The following SNX8 variants were observed in gnomAD, a reference collection of about 807,000 sequenced individuals.
SNX8 encodes the protein sorting nexin-8.
Under a neutral mutation model 51.6 loss-of-function variants are expected in SNX8, and 25 were observed. That is an observed-to-expected ratio of 0.48 (90% confidence interval 0.35 to 0.68). The LOEUF is 0.68. SNX8 is among the 30% of genes least tolerant of loss of function. The probability of loss-of-function intolerance (pLI) is 0.00; values close to 1 mark genes in which losing one functional copy is unlikely to be tolerated. For synonymous variants in SNX8, 324 were observed against 277.0 expected, an observed-to-expected ratio of 1.17 and a Z score of -1.68; for missense variants, 695 against 624.0, an observed-to-expected ratio of 1.11 and a Z score of -1.21.
upstream of SNX8, among the ~76,000 whole-genome samples, chr7:2,316,388 T>A (rs1796757802): frequency 6.7e-6 from 1 of 149,844 alleles, no homozygotes; most frequent in East Asian, 2.0e-4. Context: ...CACTGCATCC[T>A]GCATTCATTC....
chr7:2,325,008 T>C (rs879495418), intron 1 of SNX8, among the ~76,000 whole-genome samples: 1 of 152,150 alleles, frequency 6.6e-6, no homozygotes, highest in Non-Finnish European at 1.5e-5. Flanking sequence ...ACAGGCTATT[T>C]ATTTTTTGTA....
intron 1 of SNX8, among the ~76,000 whole-genome samples, chr7:2,337,828 T>A (rs531258170): frequency 3.3e-5 from 4 of 121,316 alleles, no homozygotes; most frequent in Non-Finnish European, 3.5e-5. Context: ...AGGAACTTCC[T>A]CAAGCAAATA....
At chr7:2,351,762 T>C (rs940401513) in intron 1 of SNX8, among the ~76,000 whole-genome samples, 74 of 147,462 alleles carry the variant, frequency 5.0e-4, no homozygotes, top group African/African-American at 1.2e-3. Flanking sequence ...ACCCGGGAGG[T>C]GGAGCTTGCA....
intron 1 of SNX8, among the ~76,000 whole-genome samples, chr7:2,288,796 C>T (rs936302034): frequency 6.6e-6 from 1 of 152,162 alleles, no homozygotes; most frequent in African/African-American, 2.4e-5. Flanking sequence ...TGCAGTGATG[C>T]AGTCACAGCT....
At chr7:2,332,823 AAAGGAAGG>A (rs551341838) in intron 1 of SNX8, among the ~76,000 whole-genome samples, 1 of 150,602 alleles carries the variant, frequency 6.6e-6, no homozygotes, top group Non-Finnish European at 1.5e-5. Flanking sequence ...AAAGAGAAAG[AAAGGAAGG>A]AAGGAAGGCA....
At chr7:2,307,350 G>C (rs1357808510) in intron 1 of SNX8, among the ~76,000 whole-genome samples, 4 of 151,932 alleles carry the variant, frequency 2.6e-5, no homozygotes, top group African/African-American at 9.7e-5. Flanking sequence ...GGATGACAAT[G>C]GACCAGGTGC....
At chr7:2,316,960 G>A (rs997671492), upstream of SNX8, among the ~76,000 whole-genome samples, 1 of 152,202 alleles carries the variant, frequency 6.6e-6, no homozygotes, top group Non-Finnish European at 1.5e-5. Flanking sequence ...CCAGAGTGGA[G>A]CAAGTGTGCT....
chr7:2,299,641 G>A (rs1333096026), intron 1 of SNX8, among the ~76,000 whole-genome samples: 1 of 152,134 alleles, frequency 6.6e-6, no homozygotes, highest in African/African-American at 2.4e-5. Flanking sequence ...CCTCGTCTCT[G>A]TTTAACTAAA....
intron 1 of SNX8, among the ~76,000 whole-genome samples, chr7:2,292,905 C>T (rs1017555163): frequency 6.6e-6 from 1 of 152,016 alleles, no homozygotes. Context: ...TGCTTGTAGT[C>T]CCAGCTACCC....
At chr7:2,330,897 C>A (rs1778720838) in intron 1 of SNX8, among the ~76,000 whole-genome samples, 1 of 151,986 alleles carries the variant, frequency 6.6e-6, no homozygotes, top group South Asian at 2.1e-4. Flanking sequence ...ACAGAAAATT[C>A]CTAGACACCG....
chr7:2,263,366 A>G lies in SNX8; in HGVS notation c.783-4T>C. The G allele has an allele frequency of 1.3e-6, 2 of 1,591,286 alleles. No individual in the cohort carries two copies. The highest frequency in any genetic ancestry group is 1.7e-6 in the Non-Finnish European group (2 of 1,168,804). On this transcript the variant is annotated splice_region_variant and splice_polypyrimidine_tract_variant and intron_variant, in intron 6 of 10. Coordinates refer to ENST00000222990, the MANE Select transcript of SNX8 (RefSeq NM_013321.4). ...GGTCGTGTCAGACCCTATTGCACTG[A>G]GGGAGCAAGCACACAGGAGAGGAGA...
chr7:2,281,158 C>G (rs887158474), intron 1 of SNX8, among the ~76,000 whole-genome samples: 1 of 152,090 alleles, frequency 6.6e-6, no homozygotes, highest in Non-Finnish European at 1.5e-5. Flanking sequence ...GGTACTATGG[C>G]TAGCACCTAC....
chr7:2,347,825 T>C (rs1026011290), intron 1 of SNX8, among the ~76,000 whole-genome samples: 3 of 151,878 alleles, frequency 2.0e-5, no homozygotes, highest in African/African-American at 7.3e-5. Context: ...TTTGTATTTT[T>C]AGTACATGGG....
At chr7:2,308,987 C>T (rs1270879717) in intron 1 of SNX8, among the ~76,000 whole-genome samples, 1 of 152,016 alleles carries the variant, frequency 6.6e-6, no homozygotes, top group Non-Finnish European at 1.5e-5. Context: ...CGGGGTTTCA[C>T]CATGTTGGCC....
At chr7:2,276,564 G>A (rs1001469453) in intron 2 of SNX8, among the ~76,000 whole-genome samples, 20 of 151,686 alleles carry the variant, frequency 1.3e-4, no homozygotes, top group Admixed American at 9.9e-4. Flanking sequence ...GCACTTTGGC[G>A]GGCCAAAGTG....
intron 1 of SNX8, among the ~76,000 whole-genome samples, chr7:2,334,386 G>C (rs1049516433): frequency 6.6e-6 from 1 of 151,664 alleles, no homozygotes; most frequent in Non-Finnish European, 1.5e-5. Flanking sequence ...CAGGGTGACG[G>C]AGCGAGACTC....
At chr7:2,293,551 A>T (rs1257667302) in intron 1 of SNX8, among the ~76,000 whole-genome samples, 2 of 151,278 alleles carry the variant, frequency 1.3e-5, no homozygotes, top group Non-Finnish European at 2.9e-5. Flanking sequence ...AATCCCAGCT[A>T]CTCGGAAGGC....
chr7:2,255,854 G>A (rs1293863137), intron 10 of SNX8, among the ~76,000 whole-genome samples: 3 of 152,228 alleles, frequency 2.0e-5, no homozygotes, highest in African/African-American at 7.2e-5. Context: ...GGGGAGCGCG[G>A]CAGTGAGGCA....
intron 1 of SNX8, among the ~76,000 whole-genome samples, chr7:2,313,311 A>C (rs1189485954): frequency 6.6e-6 from 1 of 151,732 alleles, no homozygotes; most frequent in Non-Finnish European, 1.5e-5. Flanking sequence ...GGATCACCTG[A>C]GGTCAGGAGT....
Sources: allele counts gnomAD v4.1 joint callset (sites outside exome capture counted in the v4.1 genomes callset), GRCh38; gene constraint gnomAD v4.1.1; transcripts MANE v1.5; gene names NCBI Gene and HGNC (gene_info 2026-07-23, HGNC 2026-07-21).